The following ATXN7L1 variants were observed in gnomAD, a reference collection of about 807,000 sequenced individuals.
ATXN7L1 encodes ataxin-7-like protein 1.
Under a neutral mutation model 70.8 loss-of-function variants are expected in ATXN7L1, and 15 were observed. The observed-to-expected ratio is 0.21, with a 90% confidence interval of 0.14 to 0.33. The LOEUF (loss-of-function observed/expected upper bound fraction) is 0.33, where lower values mean the gene tolerates loss of function less well. Ranked by LOEUF, ATXN7L1 falls within the 10% of genes least tolerant of loss-of-function variation. ATXN7L1 has a pLI of 1.00. For missense variants in ATXN7L1, 975 were observed against 1,097.1 expected (o/e 0.89, Z 1.57); for synonymous variants, 440 against 445.1 (o/e 0.99, Z 0.14).
intron 2 of ATXN7L1, among the ~76,000 whole-genome samples, chr7:105,842,284 G>A (rs372202005): frequency 6.6e-6 from 1 of 151,236 alleles, no homozygotes; most frequent in Non-Finnish European, 1.5e-5. Flanking sequence ...ACAATTCAAT[G>A]TGTAATCCTC....
intron 3 of ATXN7L1, among the ~76,000 whole-genome samples, chr7:105,734,581 T>A (rs1010580746): frequency 7.2e-5 from 11 of 151,962 alleles, no homozygotes; most frequent in Non-Finnish European, 4.4e-5. Flanking sequence ...GCCCTCCAGC[T>A]GAGGCTCTGT....
rs1417960803 is a variant in ATXN7L1, at chr7:105,607,170, G to A, written c.*682C>T. Reference sequence around the variant, plus strand: ...CCTTTCTGAGCTGCACAGCTGGACAGTGGTATTAGGTAAACCACATCACTA... The same window carrying A: ...CCTTTCTGAGCTGCACAGCTGGACAATGGTATTAGGTAAACCACATCACTA... On this transcript the variant is annotated 3_prime_UTR_variant, in exon 12 of 12. Transcript: ENST00000419735. The A allele has an allele frequency of 2.0e-5, 3 of 152,466 alleles. No individual in the cohort carries two copies. The highest frequency in any genetic ancestry group is 4.4e-5 in the Non-Finnish European group (3 of 68,290). 9.4% of individuals were successfully genotyped at this position (152,466 alleles called of 1,614,324 possible). A position where few individuals can be genotyped will look rare whatever the true frequency, so the allele number is the denominator to read the frequency against.
intron 3 of ATXN7L1, among the ~76,000 whole-genome samples, chr7:105,710,406 T>C (rs1401059018): frequency 1.1e-5 from 1 of 93,344 alleles, no homozygotes; most frequent in Non-Finnish European, 2.2e-5. Context: ...ATGCACTTTT[T>C]TTTTTTTTTT....
At chr7:105,705,806 C>T (rs1793088318) in intron 3 of ATXN7L1, among the ~76,000 whole-genome samples, 2 of 152,164 alleles carry the variant, frequency 1.3e-5, no homozygotes, top group Non-Finnish European at 1.5e-5. Context: ...TAGGAGATTC[C>T]CTGCTATCCT....
At chr7:105,659,336 C>T (rs557362720) in intron 4 of ATXN7L1, among the ~76,000 whole-genome samples, 9 of 152,272 alleles carry the variant, frequency 5.9e-5, no homozygotes, top group African/African-American at 2.2e-4. Flanking sequence ...TCATTCAATT[C>T]GACAAATATT....
intron 3 of ATXN7L1, among the ~76,000 whole-genome samples, chr7:105,668,422 G>C (rs1053302243): frequency 2.0e-5 from 3 of 152,074 alleles, no homozygotes; most frequent in East Asian, 1.9e-4. Flanking sequence ...TTTTGAGACA[G>C]AGTCTTGCTC....
chr7:105,720,505 G>A (rs1195884929), intron 3 of ATXN7L1, among the ~76,000 whole-genome samples: 1 of 152,138 alleles, frequency 6.6e-6, no homozygotes, highest in East Asian at 1.9e-4. Flanking sequence ...GGCAACCTCT[G>A]CCTCCCAAAC....
At chr7:105,858,128 G>A (rs1348064955) in intron 2 of ATXN7L1, among the ~76,000 whole-genome samples, 1 of 152,146 alleles carries the variant, frequency 6.6e-6, no homozygotes, top group East Asian at 1.9e-4. Flanking sequence ...TTACTCGGAA[G>A]GCTGAGGTGG....
At chr7:105,647,873 G>A (rs575573406) in intron 4 of ATXN7L1, among the ~76,000 whole-genome samples, 1 of 152,282 alleles carries the variant, frequency 6.6e-6, no homozygotes, top group South Asian at 2.1e-4. Context: ...GCCAGCTAAT[G>A]TCTGTGACTG....
At chr7:105,782,571 G>C (rs1387328360) in intron 3 of ATXN7L1, among the ~76,000 whole-genome samples, 1 of 152,174 alleles carries the variant, frequency 6.6e-6, no homozygotes, top group Non-Finnish European at 1.5e-5. Flanking sequence ...TGCCAGCATG[G>C]GGCACACGAT....
chr7:105,865,404 CTT>C (rs111371346), intron 2 of ATXN7L1, among the ~76,000 whole-genome samples: 37 of 145,046 alleles, frequency 2.6e-4, no homozygotes, highest in South Asian at 8.9e-4. Flanking sequence ...ACCATTTTAA[CTT>C]TTTTTTTTTT....
In ATXN7L1 at chr7:105,737,714, C is replaced by T. The variant is rs1797556266; in HGVS notation, c.355+50890G>A. ...GGTGGGGGTGATGTCATAGCTAACC[C>T]CAAATTCTCATTAAACAAAACAAAA... On this transcript the variant is annotated intron_variant, in intron 3 of 11. Transcript: ENST00000419735. Among the ~76,000 whole-genome samples the T allele has an allele frequency of 2.0e-5, 3 of 152,056 alleles. No homozygotes were observed. In the South Asian group the frequency reaches 6.2e-4, roughly 32 times the overall value.
intron 3 of ATXN7L1, among the ~76,000 whole-genome samples, chr7:105,733,605 CCCATCCATCCATCCATCCAT>C (rs1563048921): frequency 2.3e-4 from 3 of 13,020 alleles, no homozygotes; most frequent in Non-Finnish European, 3.5e-4. Flanking sequence ...CATCCATCCA[CCCATCCATCCATCCATCCAT>C]CCATCCACCC....
chr7:105,733,545 TC>T (rs1796861230), intron 3 of ATXN7L1, among the ~76,000 whole-genome samples: 1 of 128,664 alleles, frequency 7.8e-6, no homozygotes, highest in African/African-American at 3.1e-5. Flanking sequence ...CATCCACCCA[TC>T]CATCCATCCA....
intron 2 of ATXN7L1, among the ~76,000 whole-genome samples, chr7:105,849,827 A>G (rs950844342): frequency 6.6e-6 from 1 of 152,232 alleles, no homozygotes; most frequent in African/African-American, 2.4e-5. Flanking sequence ...AGCTCTTTAA[A>G]CAGAGTTGCC....
chr7:105,618,197 T>A (rs537193330), intron 9 of ATXN7L1: 1 of 382,586 alleles, frequency 2.6e-6, no homozygotes, highest in African/African-American at 2.1e-5. Flanking sequence ...GACACTTCCA[T>A]AACACAGGGA....
At chr7:105,714,980 C>G (rs1282713405) in intron 3 of ATXN7L1, among the ~76,000 whole-genome samples, 2 of 152,082 alleles carry the variant, frequency 1.3e-5, no homozygotes, top group African/African-American at 4.8e-5. Flanking sequence ...AAGGGTTACC[C>G]TAGAAGCCCT....
intron 2 of ATXN7L1, among the ~76,000 whole-genome samples, chr7:105,793,443 G>T (rs1004231600): frequency 2.0e-5 from 3 of 152,140 alleles, no homozygotes; most frequent in African/African-American, 7.2e-5. Flanking sequence ...AAGTTCACTA[G>T]TTCCCTCCAA....
At chr7:105,618,292 A>G (rs1794224072) in intron 9 of ATXN7L1, among the ~76,000 whole-genome samples, 1 of 152,246 alleles carries the variant, frequency 6.6e-6, no homozygotes, top group Non-Finnish European at 1.5e-5. Context: ...CTGAGAGCAC[A>G]GTCACCCCAC....
Sources: gnomAD v4.1 joint callset for allele counts (sites outside exome capture counted in the v4.1 genomes callset) on GRCh38, gnomAD v4.1.1 for gene constraint, MANE v1.5 for transcripts, NCBI Gene and HGNC (gene_info 2026-07-23, HGNC 2026-07-21) for gene names.